LARP4B: variants seen among roughly 807,000 people sequenced by gnomAD.
LARP4B encodes La ribonucleoprotein 4B, also known as la-related protein 4B.
A neutral mutation model predicts 89.8 loss-of-function variants in LARP4B; 12 were observed. The observed-to-expected ratio is 0.13, with a 90% CI of 0.09 to 0.22. The LOEUF (loss-of-function observed/expected upper bound fraction) is 0.22, where lower values mean the gene tolerates loss of function less well. LARP4B is among the 10% of genes least tolerant of loss of function. The probability of loss-of-function intolerance (pLI) is 1.00; values close to 1 mark genes in which losing one functional copy is unlikely to be tolerated. For synonymous variants in LARP4B, 367 were observed against 363.3 expected, an observed-to-expected ratio of 1.01 and a Z score of -0.12; for missense variants, 757 against 947.7, an observed-to-expected ratio of 0.80 and a Z score of 2.64.
intron 3 of LARP4B, chr10:869,904 AAATAATAATAATAATAATAAT>A (rs140243543): frequency 5.4e-4 from 85 of 157,154 alleles, no homozygotes; most frequent in African/African-American, 6.6e-4. Context: ...CTCAAAAAAT[AAATAATAATAATAATAATAAT>A]AATAATAATA....
rs947930782 is a variant in LARP4B, at chr10:849,198, C to T, written c.431-4143G>A. Among the ~76,000 whole-genome samples the T allele has an allele frequency of 2.2e-4, 33 of 152,122 alleles. 1 individual carries two copies. Among genetic ancestry groups the T allele is most frequent in the African/African-American group, 7.7e-4 (32 of 41,422 alleles). The stretch of plus-strand genomic sequence containing the variant: ...AAAAGGGAAAGAGGAACGAAGAACA[C>T]ATGGGACAAAAAGAAACAGAACACG... On this transcript the variant is annotated intron_variant, in intron 5 of 17. Transcript: ENST00000316157.
chr10:977,385 T>A, the LARP4B span, among the ~76,000 whole-genome samples: 1 of 152,030 alleles, frequency 6.6e-6, no homozygotes, highest in Non-Finnish European at 1.5e-5. Flanking sequence ...GCTGAAGAGA[T>A]CCTCCCAGCT....
At chr10:827,995 G>A (rs535497928) in intron 11 of LARP4B, among the ~76,000 whole-genome samples, 2 of 152,126 alleles carry the variant, frequency 1.3e-5, no homozygotes, top group Non-Finnish European at 2.9e-5. Context: ...GGGGAATTGG[G>A]GTCCTCTGAA....
the LARP4B span, among the ~76,000 whole-genome samples, chr10:976,337 T>C: frequency 6.9e-6 from 1 of 145,006 alleles, no homozygotes; most frequent in Non-Finnish European, 1.5e-5. Context: ...CCCGGCCTAG[T>C]AGAAGGTAGG....
At chr10:900,641 A>C (rs1270514059) in intron 1 of LARP4B, among the ~76,000 whole-genome samples, 1 of 122,198 alleles carries the variant, frequency 8.2e-6, no homozygotes, top group East Asian at 2.0e-4. Context: ...TTTTTGTGAG[A>C]AGCAGTCTCA....
chr10:837,939 CA>C (rs35541267), intron 7 of LARP4B, among the ~76,000 whole-genome samples: 19,150 of 141,292 alleles, frequency 0.14, 1,364 homozygotes, highest in Non-Finnish European at 0.17. Context: ...ACTGGTAGAA[CA>C]AAAAAAAAAA....
the LARP4B span, among the ~76,000 whole-genome samples, chr10:970,938 C>T: frequency 6.6e-6 from 1 of 152,170 alleles, no homozygotes; most frequent in African/African-American, 2.4e-5. Flanking sequence ...GGCCTTGGCT[C>T]CACTGCCCTG....
intron 1 of LARP4B, among the ~76,000 whole-genome samples, chr10:891,845 A>C (rs1478018617): frequency 6.6e-6 from 1 of 152,238 alleles, no homozygotes; most frequent in African/African-American, 2.4e-5. Context: ...ACCTCATTTA[A>C]ACAGTTAATA....
At chr10:865,245 G>A (rs1375321830) in intron 3 of LARP4B, among the ~76,000 whole-genome samples, 1 of 152,164 alleles carries the variant, frequency 6.6e-6, no homozygotes, top group East Asian at 1.9e-4. Flanking sequence ...TGGGGCTGAG[G>A]CCAAAGCTGC....
the LARP4B span, among the ~76,000 whole-genome samples, chr10:938,761 T>C: frequency 2.4e-4 from 37 of 152,296 alleles, no homozygotes; most frequent in African/African-American, 8.7e-4. Flanking sequence ...AAAACCTTAA[T>C]TGGTAAATCC....
chr10:936,321 A>G (rs1373292086), upstream of LARP4B, among the ~76,000 whole-genome samples: 1 of 152,108 alleles, frequency 6.6e-6, no homozygotes, highest in Non-Finnish European at 1.5e-5. Context: ...GCGGGGTCCA[A>G]GCCAACTTAA....
intron 1 of LARP4B, among the ~76,000 whole-genome samples, chr10:887,100 A>AC (rs1309972524): frequency 6.6e-6 from 1 of 152,120 alleles, no homozygotes; most frequent in African/African-American, 2.4e-5. Context: ...TCACACACAC[A>AC]CACACACACA....
At chr10:945,813 A>G in the LARP4B span, among the ~76,000 whole-genome samples, 1 of 152,172 alleles carries the variant, frequency 6.6e-6, no homozygotes, top group East Asian at 1.9e-4. Flanking sequence ...GGAAGTATTT[A>G]TAGTTAGTTA....
the LARP4B span, chr10:985,988 C>T: frequency 6.6e-6 from 1 of 152,204 alleles, no homozygotes; most frequent in Admixed American, 6.5e-5. Flanking sequence ...GAATGAGTTC[C>T]TGTGGGGATC....
At chr10:925,920 G>A (rs565156235) in intron 1 of LARP4B, among the ~76,000 whole-genome samples, 4 of 152,284 alleles carry the variant, frequency 2.6e-5, no homozygotes, top group Non-Finnish European at 2.9e-5. Context: ...TACTTTATGC[G>A]CTAAATGTAG....
At chr10:847,971 G>C (rs1182868751) in intron 5 of LARP4B, among the ~76,000 whole-genome samples, 2 of 152,224 alleles carry the variant, frequency 1.3e-5, no homozygotes, top group Non-Finnish European at 2.9e-5. Context: ...AGGAGATAGG[G>C]AGGCTGATTG....
At chr10:892,099 A>T (rs1836045538) in intron 1 of LARP4B, among the ~76,000 whole-genome samples, 1 of 152,252 alleles carries the variant, frequency 6.6e-6, no homozygotes, top group South Asian at 2.1e-4. Context: ...CAGCCAAAGC[A>T]AAGTACTTCC....
At chr10:932,026 A>T (rs1240213060), upstream of LARP4B, among the ~76,000 whole-genome samples, 1 of 140,540 alleles carries the variant, frequency 7.1e-6, no homozygotes, top group Non-Finnish European at 1.5e-5. Context: ...GGAGCGCCTG[A>T]CGCTGGGGGG....
At chr10:893,696 G>A (rs540328290) in intron 1 of LARP4B, among the ~76,000 whole-genome samples, 3 of 152,144 alleles carry the variant, frequency 2.0e-5, no homozygotes, top group Non-Finnish European at 4.4e-5. Flanking sequence ...AGATGAGCCT[G>A]GGACATCTTA....
Sources: allele counts gnomAD v4.1 joint callset (sites outside exome capture counted in the v4.1 genomes callset), GRCh38; gene constraint gnomAD v4.1.1; transcripts MANE v1.5; gene names NCBI Gene and HGNC (gene_info 2026-07-23, HGNC 2026-07-21).